Variants in VPS72 observed in about 807,000 individuals in gnomAD.
The protein encoded by VPS72 is vacuolar protein sorting 72 homolog, also known as vacuolar protein sorting-associated protein 72 homolog.
Under a neutral mutation model 38.9 loss-of-function variants are expected in VPS72, and 27 were observed. That is an observed-to-expected ratio of 0.69 (90% CI 0.51 to 0.96). The LOEUF is 0.96. Among genes scored for constraint, VPS72 ranks in the 40% least tolerant of loss-of-function variants. VPS72 has a pLI of 0.00. For missense variants in VPS72, 360 were observed against 479.5 expected (o/e 0.75, Z 2.33); for synonymous variants, 173 against 186.3 (o/e 0.93, Z 0.58).
At position 151,176,788 on chromosome 1, in the gene VPS72, C is replaced by T; in HGVS notation, c.951G>A (p.Lys317=). 1 of 1,614,168 alleles carries T rather than the reference C, an allele frequency of 6.2e-7. No individual in the cohort carries two copies. The highest frequency in any genetic ancestry group is 1.3e-5 in the African/African-American group (1 of 75,036). Residue 317 remains lysine, a synonymous_variant, in exon 6 of 6, where the codon AAG becomes AAA. Coordinates refer to ENST00000368892, the MANE Select transcript of VPS72 (RefSeq NM_005997.3). ...ACTTCTTGTAAGCCTCACGAATGAT[C>T]TTGAAGGCTCGAGCAGTGGCATAGG... ...DIPYATARAF[K]IIREAYKKYI...
At chr1:151,189,958 G>C in intron 1 of VPS72, 47 bp downstream of exon 1, 2 of 1,599,326 alleles carry the variant, frequency 1.3e-6, no homozygotes, top group Non-Finnish European at 1.7e-6. Context: ...TCCCTTCAGG[G>C]CTCCTCTTTG....
Position 151,176,597 on chromosome 1 carries a change from A to G in VPS72, c.*47T>C, listed in dbSNP as rs1177011126. The G allele has an allele frequency of 3.2e-6, 5 of 1,585,620 alleles. No homozygotes were observed. In the South Asian group the frequency reaches 4.6e-5, roughly 14 times the overall value. ...CAGGGAGAAGAAACGGAACAGCAAG[A>G]GCCCCAATCAGGGCAGGAAAGAAGT... On this transcript the variant is annotated 3_prime_UTR_variant, in exon 6 of 6. Transcript: ENST00000368892.
At chr1:151,178,383 T>C (rs945527750) in intron 4 of VPS72, among the ~76,000 whole-genome samples, 2 of 152,202 alleles carry the variant, frequency 1.3e-5, no homozygotes, top group Non-Finnish European at 2.9e-5. Flanking sequence ...GGGCCCTCTA[T>C]AGTACCTCAG....
At chr1:151,184,189 G>A (rs587664425) in intron 4 of VPS72, 128 bp downstream of exon 4, 19 of 1,271,270 alleles carry the variant, frequency 1.5e-5, no homozygotes, top group East Asian at 1.4e-4. Context: ...CCTACTCTCC[G>A]CCATTTCTTC....
chr1:151,177,358 C>G (rs1684134990), intron 5 of VPS72, among the ~76,000 whole-genome samples: 1 of 146,696 alleles, frequency 6.8e-6, no homozygotes, highest in Non-Finnish European at 1.5e-5. Flanking sequence ...ACACTCCAGC[C>G]TGGGTGACAG....
At chr1:151,188,869 C>T (rs1684403864) in intron 1 of VPS72, among the ~76,000 whole-genome samples, 1 of 152,152 alleles carries the variant, frequency 6.6e-6, no homozygotes, top group Non-Finnish European at 1.5e-5. Flanking sequence ...CCTGCTCTGT[C>T]GCCCAGGCTG....
rs144417847 is a variant in VPS72, at chr1:151,176,917, G to A, written c.822C>T (p.Phe274=). 43 of 1,613,882 alleles carry A rather than the reference G, an allele frequency of 2.7e-5. No individual in the cohort carries two copies. The highest frequency in any genetic ancestry group is 6.7e-5 in the Admixed American group (4 of 59,988). ...GCCGCCCTTGGGGGAACCATTCCTC[G>A]AAAGTTGCATCATCACTAAAAGTGA... ...TFITFSDDAT[F]EEWFPQGRPP... Residue 274 remains phenylalanine (F), a synonymous_variant, in exon 6 of 6, where the codon TTC becomes TTT. Transcript: ENST00000368892.
At chr1:151,184,596 T>G in intron 3 of VPS72, 103 bp from the exon 4 acceptor site, 1 of 1,317,122 alleles carries the variant, frequency 7.6e-7, no homozygotes, top group Non-Finnish European at 1.0e-6. Context: ...TTTTCTTTTT[T>G]TTTTTTTGAG....
chr1:151,184,244 G>T, intron 4 of VPS72, 73 bp downstream of exon 4: 1 of 1,545,496 alleles, frequency 6.5e-7, no homozygotes, highest in Non-Finnish European at 8.8e-7. Context: ...CAGTTCTTTG[G>T]TCCTCCAGGT....
Position 151,185,495 on chromosome 1 carries a change from T to A in VPS72, c.385+11A>T, listed in dbSNP as rs1316129441. 3.7e-6 allele frequency: 6 copies of A among 1,613,112 alleles called. No individual in the cohort carries two copies. The African/African-American group carries it at 8.0e-5, about 22-fold the overall frequency. ...CCAATTTTGCCAATTGACCCTAACA[T>A]CCCTACTCACTGTCAGAGCCGTCAT... On this transcript the variant is annotated intron_variant, in intron 3 of 5. Coordinates refer to ENST00000368892, the MANE Select transcript of VPS72 (RefSeq NM_005997.3).
chr1:151,180,843 C>T (rs1165936933), intron 4 of VPS72, among the ~76,000 whole-genome samples: 1 of 152,208 alleles, frequency 6.6e-6, no homozygotes, highest in Non-Finnish European at 1.5e-5. Context: ...CCTTCCATGA[C>T]TTGCCTTAAC....
At chr1:151,188,311 C>T (rs1203230832) in intron 1 of VPS72, among the ~76,000 whole-genome samples, 1 of 152,184 alleles carries the variant, frequency 6.6e-6, no homozygotes, top group African/African-American at 2.4e-5. Context: ...GCTGGAATTA[C>T]AGGCGTGAGC....
intron 5 of VPS72, among the ~76,000 whole-genome samples, chr1:151,177,413 G>A (rs1456789261): frequency 6.7e-6 from 1 of 149,388 alleles, no homozygotes; most frequent in Non-Finnish European, 1.5e-5. Flanking sequence ...AGAAAAGAAA[G>A]AAAGAAGGAA....
rs1047026358 is a variant in VPS72, at chr1:151,186,036, T to C, written c.118-86A>G. On this transcript the variant is annotated intron_variant, in intron 1 of 5. Transcript: ENST00000368892. ...GAACAGAATCTCTCGACTTTCTTGA[T>C]AAGGGCTGCCCTACTCTCCTTCCTA... is the stretch of plus-strand genomic sequence containing the variant. 2.6e-6 allele frequency: 4 copies of C among 1,519,340 alleles called. No individual in the cohort carries two copies. In the East Asian group the frequency reaches 9.0e-5, roughly 34 times the overall value. The allele number at this position is 1,519,340 out of a possible 1,614,324, so 94.1% of individuals were successfully genotyped here. A position where few individuals can be genotyped will look rare whatever the true frequency, so the allele number is the denominator to read the frequency against.
chr1:151,189,138 G>A (rs1684409303), intron 1 of VPS72, among the ~76,000 whole-genome samples: 1 of 152,150 alleles, frequency 6.6e-6, no homozygotes, highest in Non-Finnish European at 1.5e-5. Context: ...CAAAGCCACT[G>A]TGCTCGGCCT....
rs587675247 is a variant in VPS72 at position 151,188,047 on chromosome 1, T to C, written c.117+1958A>G. Among the ~76,000 whole-genome samples the C allele has an allele frequency of 2.1e-3, 279 of 134,396 alleles. 2 individuals carry two copies. The highest frequency in any genetic ancestry group is 7.8e-3 in the African/African-American group (257 of 32,812). 88.2% of individuals were successfully genotyped at this position (134,396 alleles called of 152,430 possible). A position where few individuals can be genotyped will look rare whatever the true frequency, so the allele number is the denominator to read the frequency against. On this transcript the variant is annotated intron_variant, in intron 1 of 5. Coordinates refer to ENST00000368892, the MANE Select transcript of VPS72 (RefSeq NM_005997.3). ...GTAATGACTCTGTCAGTGATGTGGG[T>C]TTTTTTTTTTTTTGAGACAGAGTCT...
chr1:151,177,889 C>T, intron 5 of VPS72, 112 bp downstream of exon 5: 6 of 1,260,274 alleles, frequency 4.8e-6, no homozygotes, highest in Non-Finnish European at 5.5e-6. Flanking sequence ...AGTTAGGAAT[C>T]TGAAAGAAAT....
At chr1:151,186,485 G>A (rs908409083) in intron 1 of VPS72, among the ~76,000 whole-genome samples, 12 of 151,954 alleles carry the variant, frequency 7.9e-5, no homozygotes, top group Admixed American at 6.6e-4. Context: ...CTTGAACCCA[G>A]GAGGCATAGG....
rs1454786020 is a variant in VPS72 at position 151,178,094 on chromosome 1, C to T, written c.614G>A (p.Arg205Gln). The stretch of plus-strand genomic sequence containing the variant: ...GGTGATTATGGGCCCGGGGCACTTC[C>T]GCTTCTTATGAACCTGCTTCTTTTT... ...ADKKKQVHKK[R>Q]KCPGPIITYH... Residue 205 changes from arginine to glutamine, a missense_variant, in exon 5 of 6, where the codon CGG becomes CAG. Transcript: ENST00000368892. The T allele has an allele frequency of 8.7e-6, 14 of 1,613,992 alleles. No homozygotes were observed. The highest frequency in any genetic ancestry group is 3.3e-5 in the South Asian group (3 of 91,084).
Sources: allele counts gnomAD v4.1 joint callset (sites outside exome capture counted in the v4.1 genomes callset), GRCh38; gene constraint gnomAD v4.1.1; transcripts MANE v1.5; gene names NCBI Gene and HGNC (gene_info 2026-07-23, HGNC 2026-07-21).